SV2C: variants seen among roughly 807,000 people sequenced by gnomAD.
SV2C encodes solute carrier family 22 member B3.
Under a neutral mutation model 79.7 loss-of-function variants are expected in SV2C, and 49 were observed. That is an observed-to-expected ratio of 0.61 (90% confidence interval 0.49 to 0.78). The LOEUF is 0.78. Ranked by LOEUF, SV2C falls within the 30% of genes least tolerant of loss-of-function variation. The pLI, the probability that SV2C is intolerant of heterozygous loss-of-function variation, is 0.00. For missense variants in SV2C, 833 were observed against 912.9 expected (o/e 0.91, Z 1.13); for synonymous variants, 334 against 333.2 (o/e 1.00, Z -0.03).
At chr5:76,274,353 A>G (rs1432506838) in intron 4 of SV2C, among the ~76,000 whole-genome samples, 1 of 152,168 alleles carries the variant, frequency 6.6e-6, no homozygotes, top group African/African-American at 2.4e-5. Flanking sequence ...AGTCCTCATG[A>G]GCTTCTCCTC....
At chr5:76,076,940 G>A in the SV2C span, among the ~76,000 whole-genome samples, 2 of 152,092 alleles carry the variant, frequency 1.3e-5, no homozygotes, top group African/African-American at 2.4e-5. Flanking sequence ...GTTTTGTCTT[G>A]TATCCCCCTC....
At chr5:76,347,250 A>G (rs536940095) in intron 12 of SV2C, among the ~76,000 whole-genome samples, 1 of 152,146 alleles carries the variant, frequency 6.6e-6, no homozygotes, top group Non-Finnish European at 1.5e-5. Flanking sequence ...ATGGCCATCT[A>G]TGGATGGGGG....
the SV2C span, among the ~76,000 whole-genome samples, chr5:75,964,472 G>A: frequency 1.3e-5 from 2 of 152,134 alleles, no homozygotes; most frequent in African/African-American, 4.8e-5. Flanking sequence ...TGCAGGGATA[G>A]GGGAGGAAAG....
In SV2C at chr5:76,131,963, T is replaced by A. The variant is rs559499864; in HGVS notation, c.213T>A (p.Asp71Glu). ...AGETYNGEAN[D>E]DEGSSEATEG... is the part of the protein sequence containing the mutation. The stretch of plus-strand genomic sequence containing the variant: ...AAACCTATAATGGTGAGGCCAACGA[T>A]GACGAAGGCTCAAGTGAAGCCACTG... The change falls in exon 2 of 13, where the codon GAT becomes GAA. Residue 71 changes from aspartate (D) to glutamate (E), a missense_variant. Transcript: ENST00000502798. 1.2e-6 allele frequency: 2 copies of A among 1,613,830 alleles called. No homozygotes were observed. Among genetic ancestry groups the A allele is most frequent in the African/African-American group, 2.7e-5 (2 of 74,876 alleles).
chr5:75,890,948 T>C, the SV2C span, among the ~76,000 whole-genome samples: 2,461 of 152,166 alleles, frequency 0.016, 33 homozygotes, highest in African/African-American at 0.042. Context: ...GTCAAGATAT[T>C]ACTGCAATCT....
the SV2C span, among the ~76,000 whole-genome samples, chr5:76,036,733 T>C: frequency 4.7e-4 from 72 of 152,304 alleles, no homozygotes; most frequent in Middle Eastern, 3.4e-3. Flanking sequence ...TTGGAGTTGC[T>C]CTTCTCGAGG....
At chr5:75,982,439 C>T in the SV2C span, among the ~76,000 whole-genome samples, 1 of 152,062 alleles carries the variant, frequency 6.6e-6, no homozygotes, top group East Asian at 1.9e-4. Context: ...ACCAGAATGG[C>T]TATTATTTAA....
chr5:76,316,696 A>G (rs1252750644), intron 12 of SV2C, among the ~76,000 whole-genome samples: 2 of 152,032 alleles, frequency 1.3e-5, no homozygotes, highest in African/African-American at 2.4e-5. Context: ...AGTTAGGGAG[A>G]TGTGAGAGTA....
the SV2C span, among the ~76,000 whole-genome samples, chr5:76,078,155 A>G: frequency 6.6e-6 from 1 of 152,216 alleles, no homozygotes; most frequent in Admixed American, 6.5e-5. Context: ...ATGTTCTGGA[A>G]GTAGCAATGC....
At chr5:75,911,018 T>G in the SV2C span, 1 of 1,081,580 alleles carries the variant, frequency 9.2e-7, no homozygotes, top group Non-Finnish European at 1.4e-6. Flanking sequence ...TACTAGTCCC[T>G]CTACACTTTC....
At chr5:75,953,118 G>T in the SV2C span, among the ~76,000 whole-genome samples, 1 of 152,008 alleles carries the variant, frequency 6.6e-6, no homozygotes, top group Admixed American at 6.6e-5. Flanking sequence ...CATGGCAGAA[G>T]GTGAAAAGGA....
At chr5:76,139,029 G>A (rs1749163089) in intron 2 of SV2C, among the ~76,000 whole-genome samples, 1 of 152,022 alleles carries the variant, frequency 6.6e-6, no homozygotes, top group South Asian at 2.1e-4. Flanking sequence ...TGAGGCAGGA[G>A]AATGGCATGA....
chr5:76,261,920 T>C (rs1290901306), intron 4 of SV2C, among the ~76,000 whole-genome samples: 2 of 152,240 alleles, frequency 1.3e-5, no homozygotes, highest in Non-Finnish European at 2.9e-5. Flanking sequence ...CAGTTGTGTC[T>C]CTGCCAGGTT....
chr5:76,035,105 A>G, the SV2C span, among the ~76,000 whole-genome samples: 2 of 151,106 alleles, frequency 1.3e-5, no homozygotes, highest in Non-Finnish European at 3.0e-5. Flanking sequence ...TCCCTTTGTC[A>G]TTTTTTATTG....
At chr5:76,064,724 G>T in the SV2C span, among the ~76,000 whole-genome samples, 3 of 152,132 alleles carry the variant, frequency 2.0e-5, no homozygotes, top group African/African-American at 7.2e-5. Flanking sequence ...GCAGGAACTG[G>T]ATTGAGATGG....
chr5:75,934,423 A>G, the SV2C span, among the ~76,000 whole-genome samples: 1 of 146,834 alleles, frequency 6.8e-6, no homozygotes, highest in Non-Finnish European at 1.5e-5. Context: ...AGTAGCTGGG[A>G]TTATAGGCGC....
intron 12 of SV2C, among the ~76,000 whole-genome samples, chr5:76,304,413 G>A (rs1042854729): frequency 6.6e-6 from 1 of 152,170 alleles, no homozygotes; most frequent in Non-Finnish European, 1.5e-5. Context: ...AGCTATTAGA[G>A]GAAAATCCCA....
the SV2C span, among the ~76,000 whole-genome samples, chr5:75,897,060 C>T: frequency 6.8e-6 from 1 of 146,550 alleles, no homozygotes; most frequent in Admixed American, 6.6e-5. Context: ...TGTGCAGAAG[C>T]TCTTTAGTTT....
At chr5:76,060,282 G>A in the SV2C span, among the ~76,000 whole-genome samples, 1 of 152,022 alleles carries the variant, frequency 6.6e-6, no homozygotes, top group Non-Finnish European at 1.5e-5. Context: ...CTTTCTAACT[G>A]GGCGAGTCCT....
Sources: allele counts gnomAD v4.1 joint callset (sites outside exome capture counted in the v4.1 genomes callset), GRCh38; gene constraint gnomAD v4.1.1; transcripts MANE v1.5; gene names NCBI Gene and HGNC (gene_info 2026-07-23, HGNC 2026-07-21).